RBPJ: variants seen among roughly 807,000 people sequenced by gnomAD.
RBPJ encodes the protein recombination signal binding protein for immunoglobulin kappa J region, also known as recombining binding protein suppressor of hairless.
Under a neutral mutation model 67.8 loss-of-function variants are expected in RBPJ, and 9 were observed. The observed-to-expected ratio is 0.13, with a 90% CI of 0.08 to 0.23. The LOEUF is 0.23. RBPJ is among the 10% of genes least tolerant of loss of function. The pLI is 1.00. For synonymous variants in RBPJ, 198 were observed against 203.3 expected (o/e 0.97, Z 0.22); for missense variants, 305 against 595.6 (o/e 0.51, Z 5.08).
intron 1 of RBPJ, among the ~76,000 whole-genome samples, chr4:26,297,405 T>TG (rs1721916326): frequency 1.3e-5 from 2 of 150,752 alleles, no homozygotes; most frequent in African/African-American, 2.4e-5. Context: ...AGACGGTGTA[T>TG]GGGGGGGATG....
chr4:26,342,564 G>C (rs1725658916), intron 1 of RBPJ, among the ~76,000 whole-genome samples: 1 of 152,148 alleles, frequency 6.6e-6, no homozygotes, highest in Admixed American at 6.6e-5. Context: ...TTAGTCATCT[G>C]ACAACACATG....
At chr4:26,196,560 A>G (rs1292300512) in intron 1 of RBPJ, among the ~76,000 whole-genome samples, 1 of 152,216 alleles carries the variant, frequency 6.6e-6, no homozygotes, top group East Asian at 1.9e-4. Flanking sequence ...GCTTACTGTT[A>G]TCTACATTCG....
chr4:26,207,466 G>A (rs1340297653), intron 1 of RBPJ, among the ~76,000 whole-genome samples: 1 of 152,142 alleles, frequency 6.6e-6, no homozygotes, highest in African/African-American at 2.4e-5. Flanking sequence ...TGGATGGATC[G>A]ATTGTTCATT....
rs1459738911 is a variant in RBPJ at position 26,270,358 on chromosome 4, AAAGAAAGAAAGAAAG to A, written c.-166-92085_-166-92071del. ...AGGGGAGGGAGGGAGAGAGCAAGAG[AAAGAAAGAAAGAAAG>A]AAAGAAAGAAAGAAAGAAAGAAAGA... On this transcript the variant is annotated intron_variant, in intron 1 of 4. Coordinates refer to the RBPJ transcript ENST00000512351. 5.6e-3 allele frequency among the ~76,000 whole-genome samples: 82 copies of A among 14,648 alleles called. 2 individuals are homozygous for A. The highest frequency in any genetic ancestry group is 0.021 in the African/African-American group (77 of 3,690). The allele number at this position is 14,648 out of a possible 152,430, so 9.6% of individuals were successfully genotyped here. A position where few individuals can be genotyped will look rare whatever the true frequency, so the allele number is the denominator to read the frequency against.
chr4:26,190,625 A>G (rs560010761), intron 1 of RBPJ, among the ~76,000 whole-genome samples: 1 of 152,214 alleles, frequency 6.6e-6, no homozygotes, highest in Admixed American at 6.5e-5. Flanking sequence ...AACTATCCTT[A>G]CCCAAGTACT....
intron 2 of RBPJ, among the ~76,000 whole-genome samples, chr4:26,396,770 G>A (rs536629912): frequency 6.6e-6 from 1 of 152,330 alleles, no homozygotes; most frequent in South Asian, 2.1e-4. Flanking sequence ...AAAACTTTTT[G>A]TGGAATTTTG....
chr4:26,203,211 C>A (rs1718050733), intron 1 of RBPJ, among the ~76,000 whole-genome samples: 1 of 152,130 alleles, frequency 6.6e-6, no homozygotes, highest in Non-Finnish European at 1.5e-5. Context: ...AATTTCTATG[C>A]TCAAAATTAC....
the RBPJ span, among the ~76,000 whole-genome samples, chr4:26,144,478 C>T: frequency 6.6e-6 from 1 of 151,982 alleles, no homozygotes; most frequent in African/African-American, 2.4e-5. Context: ...CCTTGTTGGC[C>T]AGGCTGGTCT....
chr4:26,321,430 C>T (rs534258124), intron 1 of RBPJ: 1 of 152,004 alleles, frequency 6.6e-6, no homozygotes, highest in Non-Finnish European at 1.5e-5. Context: ...GTGCCCCCGG[C>T]CCCGGGCGCT....
chr4:26,401,173 C>G (rs541785058), intron 2 of RBPJ, among the ~76,000 whole-genome samples: 2 of 152,184 alleles, frequency 1.3e-5, no homozygotes, highest in African/African-American at 4.8e-5. Context: ...TAAAGTGTCC[C>G]CCTGCCCCCA....
At chr4:26,327,965 A>C (rs1280683499) in intron 1 of RBPJ, among the ~76,000 whole-genome samples, 1 of 152,226 alleles carries the variant, frequency 6.6e-6, no homozygotes, top group African/African-American at 2.4e-5. Context: ...TAATGTGAAC[A>C]GTCTATTATG....
At chr4:26,303,810 C>T (rs1722153093) in intron 1 of RBPJ, among the ~76,000 whole-genome samples, 2 of 152,204 alleles carry the variant, frequency 1.3e-5, no homozygotes, top group South Asian at 4.1e-4. Context: ...AAAAGCAAAG[C>T]ATGTAATTGA....
chr4:26,244,574 C>T (rs950522647), intron 1 of RBPJ, among the ~76,000 whole-genome samples: 2 of 151,854 alleles, frequency 1.3e-5, no homozygotes, highest in African/African-American at 4.8e-5. Flanking sequence ...TTTTATATGA[C>T]TATATTTTAA....
chr4:26,210,768 T>TTTAC (rs1718386578), intron 1 of RBPJ, among the ~76,000 whole-genome samples: 1 of 136,464 alleles, frequency 7.3e-6, no homozygotes, highest in Non-Finnish European at 1.6e-5. Context: ...TCTTTCTTTC[T>TTTAC]TTCTTTCTTT....
chr4:26,404,200 C>T (rs1024652860), intron 2 of RBPJ, among the ~76,000 whole-genome samples: 1 of 151,926 alleles, frequency 6.6e-6, no homozygotes, highest in Non-Finnish European at 1.5e-5. Flanking sequence ...GAAAAGTGTT[C>T]ATATCCTTTG....
intron 2 of RBPJ, among the ~76,000 whole-genome samples, chr4:26,396,772 G>T (rs1300075106): frequency 6.6e-6 from 1 of 152,170 alleles, no homozygotes; most frequent in Admixed American, 6.5e-5. Context: ...AACTTTTTGT[G>T]GAATTTTGGG....
chr4:26,398,032 A>G (rs367904969), intron 2 of RBPJ, among the ~76,000 whole-genome samples: 56 of 152,092 alleles, frequency 3.7e-4, no homozygotes, highest in African/African-American at 1.3e-3. Context: ...GTGTTTCTCA[A>G]TATGCTCTTC....
At chr4:26,233,678 A>T (rs1306534921) in intron 1 of RBPJ, among the ~76,000 whole-genome samples, 1 of 152,252 alleles carries the variant, frequency 6.6e-6, no homozygotes, top group Non-Finnish European at 1.5e-5. Flanking sequence ...GAGCAAATAA[A>T]ACAGGCACAG....
chr4:26,173,997 A>T (rs190508138), intron 1 of RBPJ, among the ~76,000 whole-genome samples: 1 of 152,126 alleles, frequency 6.6e-6, no homozygotes, highest in Admixed American at 6.5e-5. Context: ...TTGGAATCCA[A>T]CTCCTCTGAA....
Sources: allele counts gnomAD v4.1 joint callset (sites outside exome capture counted in the v4.1 genomes callset), GRCh38; gene constraint gnomAD v4.1.1; transcripts MANE v1.5; gene names NCBI Gene and HGNC (gene_info 2026-07-23, HGNC 2026-07-21).